The following SPAG16 variants were observed in gnomAD, a reference collection of about 807,000 sequenced individuals.
SPAG16 encodes the protein sperm associated antigen 16, also known as sperm-associated antigen 16 protein.
SPAG16 carries 86 observed loss-of-function variants against 80.4 expected under a neutral mutation model. The observed-to-expected ratio is 1.07, with a 90% CI of 0.90 to 1.28. SPAG16 has a LOEUF of 1.28. Among genes scored for constraint, SPAG16 ranks in the 50% most tolerant of loss-of-function variants. The pLI is 0.00. For synonymous variants in SPAG16, 294 were observed against 265.9 expected (o/e 1.11, Z -1.03); for missense variants, 870 against 765.3 (o/e 1.14, Z -1.61).
chr2:214,234,630 C>G (rs1180318572), intron 15 of SPAG16, among the ~76,000 whole-genome samples: 8 of 152,110 alleles, frequency 5.3e-5, no homozygotes. Context: ...TTGCATTTCT[C>G]TAATCATCAG....
intron 12 of SPAG16, among the ~76,000 whole-genome samples, chr2:213,946,246 C>T (rs1346569933): frequency 1.3e-5 from 2 of 152,142 alleles, no homozygotes; most frequent in East Asian, 3.9e-4. Context: ...TCCTGAGCAG[C>T]TGGAACTACT....
At chr2:213,950,213 C>T (rs572630624) in intron 12 of SPAG16, among the ~76,000 whole-genome samples, 2 of 152,244 alleles carry the variant, frequency 1.3e-5, no homozygotes, top group Non-Finnish European at 2.9e-5. Flanking sequence ...ATCAATGCTT[C>T]TCATTTGGAT....
chr2:213,380,423 G>A (rs979988102), intron 9 of SPAG16, among the ~76,000 whole-genome samples: 1 of 152,216 alleles, frequency 6.6e-6, no homozygotes. Context: ...ACAGAAGGCA[G>A]GGTGACAGGA....
intron 10 of SPAG16, among the ~76,000 whole-genome samples, chr2:213,563,961 C>T (rs1376581450): frequency 6.6e-6 from 1 of 152,158 alleles, no homozygotes; most frequent in African/African-American, 2.4e-5. Flanking sequence ...TTCTGCTCCC[C>T]CTACCTGCCC....
intron 15 of SPAG16, among the ~76,000 whole-genome samples, chr2:214,215,768 C>T (rs1576515810): frequency 6.6e-6 from 1 of 152,318 alleles, no homozygotes; most frequent in East Asian, 1.9e-4. Context: ...TTGCAATACA[C>T]TCCTCTGTCA....
chr2:213,938,961 A>G (rs951670012), intron 12 of SPAG16, among the ~76,000 whole-genome samples: 1 of 152,086 alleles, frequency 6.6e-6, no homozygotes, highest in Non-Finnish European at 1.5e-5. Context: ...GCAAAATCCT[A>G]ACACTTAACA....
intron 9 of SPAG16, among the ~76,000 whole-genome samples, chr2:213,407,687 GACA>G (rs2068708674): frequency 2.8e-5 from 4 of 145,330 alleles, no homozygotes. Flanking sequence ...AGAGGAGAGA[GACA>G]GAAGAGAGAG....
intron 10 of SPAG16, among the ~76,000 whole-genome samples, chr2:213,717,163 T>TTTTTTTTTTTTTTTTTGTA (rs2066274261): frequency 6.6e-6 from 1 of 151,278 alleles, no homozygotes. Context: ...TTCATTTTTT[T>TTTTTTTTTTTTTTTTTGTA]TTTTTTTTTT....
intron 9 of SPAG16, among the ~76,000 whole-genome samples, chr2:213,418,517 G>C (rs556871516): frequency 6.6e-6 from 1 of 152,096 alleles, no homozygotes; most frequent in Non-Finnish European, 1.5e-5. Flanking sequence ...AGAGCTGTTT[G>C]TTATTCTCTA....
intron 15 of SPAG16, among the ~76,000 whole-genome samples, chr2:214,402,132 T>G (rs953798632): frequency 1.3e-5 from 2 of 152,030 alleles, no homozygotes; most frequent in Non-Finnish European, 2.9e-5. Context: ...GTGTTGTGAA[T>G]TATTCCTCTA....
intron 5 of SPAG16, chr2:213,317,886 TAGG>T (rs759550080): frequency 6.2e-5 from 14 of 225,124 alleles, no homozygotes; most frequent in Non-Finnish European, 8.1e-5. Context: ...TGTGTGGGAG[TAGG>T]AGGTGTATGG....
chr2:214,040,781 A>G (rs1432597743), intron 13 of SPAG16, among the ~76,000 whole-genome samples: 3 of 152,144 alleles, frequency 2.0e-5, no homozygotes, highest in Non-Finnish European at 4.4e-5. Flanking sequence ...CTTCATCTGT[A>G]AAAATTTGGT....
At chr2:214,120,979 C>T (rs2054193061) in intron 14 of SPAG16, among the ~76,000 whole-genome samples, 1 of 151,690 alleles carries the variant, frequency 6.6e-6, no homozygotes, top group South Asian at 2.1e-4. Flanking sequence ...TTCCTTTCTC[C>T]ATTATGTCAT....
At chr2:214,137,996 C>T (rs1375404743) in intron 14 of SPAG16, among the ~76,000 whole-genome samples, 1 of 152,018 alleles carries the variant, frequency 6.6e-6, no homozygotes. Flanking sequence ...TTCATTGGCT[C>T]TATAGAGGAG....
rs2064342512 is a variant in SPAG16, at chr2:213,680,863, A to G, written c.1071-181622A>G. On this transcript the variant is annotated intron_variant, in intron 10 of 15. Coordinates refer to ENST00000331683, the MANE Select transcript of SPAG16 (RefSeq NM_024532.5). ...ATACATTGGTTTGGTTCAGAAAGGC[A>G]GGACAACTCCAAGTTGGGGGTCTTC... Among the ~76,000 whole-genome samples the G allele has an allele frequency of 2.0e-5, 3 of 152,186 alleles. No homozygotes were observed. In the South Asian group the frequency reaches 6.2e-4, roughly 32 times the overall value.
intron 13 of SPAG16, among the ~76,000 whole-genome samples, chr2:214,023,035 A>C (rs1017141755): frequency 1.3e-5 from 2 of 151,956 alleles, no homozygotes; most frequent in Admixed American, 6.6e-5. Flanking sequence ...CTGACAGTGC[A>C]TCTGACATAA....
chr2:213,545,443 T>A (rs1337785149), intron 10 of SPAG16, among the ~76,000 whole-genome samples: 1 of 152,142 alleles, frequency 6.6e-6, no homozygotes, highest in Non-Finnish European at 1.5e-5. Flanking sequence ...ACAGTGTCTT[T>A]CATAGAGCAG....
intron 11 of SPAG16, among the ~76,000 whole-genome samples, chr2:213,919,508 T>C (rs897310888): frequency 1.3e-5 from 2 of 152,146 alleles, no homozygotes; most frequent in Non-Finnish European, 2.9e-5. Context: ...TAGTTTCAAA[T>C]AACTTCTTAC....
chr2:214,179,482 T>G lies in SPAG16; in HGVS notation c.1720+30216T>G, dbSNP rs1391843890. Among the ~76,000 whole-genome samples, 18 of 151,400 alleles carry G rather than the reference T, an allele frequency of 1.2e-4. No homozygotes were observed. The Admixed American group carries it at 1.2e-3, about 10-fold the overall frequency. ...GCCACCTCTTTTCTCAGAGGAGCAT[T>G]CCCTCTTCCACAAAGAATTGCTCCA... On this transcript the variant is annotated intron_variant, in intron 15 of 15. Coordinates refer to ENST00000331683, the MANE Select transcript of SPAG16 (RefSeq NM_024532.5).
Sources: allele counts gnomAD v4.1 joint callset (sites outside exome capture counted in the v4.1 genomes callset), GRCh38; gene constraint gnomAD v4.1.1; transcripts MANE v1.5; gene names NCBI Gene and HGNC (gene_info 2026-07-23, HGNC 2026-07-21).